EFHD1: variants seen among roughly 807,000 people sequenced by gnomAD.
EFHD1 encodes EF-hand domain-containing protein D1.
EFHD1 carries 10 observed loss-of-function variants against 17.2 expected under a neutral mutation model. The observed-to-expected ratio is 0.58, with a 90% confidence interval of 0.36 to 0.99. The LOEUF is 0.99. Ranked by LOEUF, EFHD1 falls within the 50% of genes least tolerant of loss-of-function variation. The probability of loss-of-function intolerance (pLI) is 0.01; values close to 1 mark genes in which losing one functional copy is unlikely to be tolerated. For synonymous variants in EFHD1, 153 were observed against 142.0 expected (o/e 1.08, Z -0.55); for missense variants, 310 against 327.5 (o/e 0.95, Z 0.41).
At chr2:232,659,998 G>C (rs956904106) in intron 1 of EFHD1, among the ~76,000 whole-genome samples, 3 of 152,040 alleles carry the variant, frequency 2.0e-5, no homozygotes, top group South Asian at 2.1e-4. Context: ...CAAGGGGATG[G>C]TGCAGAACCA....
intron 1 of EFHD1, 32 bp from the exon 2 acceptor site, chr2:232,662,770 C>T (rs776604355): frequency 6.4e-7 from 1 of 1,552,380 alleles, no homozygotes; most frequent in Non-Finnish European, 8.6e-7. Flanking sequence ...AGTGTCCTTT[C>T]ATCCCGGTCA....
chr2:232,655,478 C>T (rs146780352), intron 1 of EFHD1, among the ~76,000 whole-genome samples: 14 of 152,370 alleles, frequency 9.2e-5, no homozygotes, highest in African/African-American at 3.4e-4. Flanking sequence ...TCTGTGTGCT[C>T]TGTTTCCCTC....
chr2:232,627,797 A>C (rs1487322348), intron 1 of EFHD1, among the ~76,000 whole-genome samples: 2 of 152,016 alleles, frequency 1.3e-5, no homozygotes, highest in Non-Finnish European at 1.5e-5. Flanking sequence ...GTAATGGCTT[A>C]TTATTATATT....
chr2:232,631,309 T>C (rs1460398433), upstream of EFHD1, among the ~76,000 whole-genome samples: 2 of 151,736 alleles, frequency 1.3e-5, no homozygotes. Flanking sequence ...TCTCTGTCTC[T>C]CTCTCTCTCT....
intron 1 of EFHD1, among the ~76,000 whole-genome samples, chr2:232,607,911 C>T (rs983284094): frequency 2.7e-5 from 4 of 148,596 alleles, no homozygotes. Flanking sequence ...CTGGGCAACA[C>T]AGCAAGACCC....
intron 1 of EFHD1, among the ~76,000 whole-genome samples, chr2:232,647,510 T>C (rs568515910): frequency 1.7e-4 from 26 of 152,352 alleles, no homozygotes; most frequent in Admixed American, 1.6e-3. Context: ...TGGAGTCTAG[T>C]GTGGAAACCC....
At chr2:232,677,677 T>C (rs1185666269) in intron 3 of EFHD1, among the ~76,000 whole-genome samples, 2 of 152,118 alleles carry the variant, frequency 1.3e-5, no homozygotes. Flanking sequence ...GAGCCATGAC[T>C]GCACCACTGC....
intron 1 of EFHD1, among the ~76,000 whole-genome samples, chr2:232,613,983 CACAT>C (rs776392950): frequency 4.6e-5 from 7 of 151,916 alleles, no homozygotes; most frequent in Admixed American, 3.3e-4. Context: ...AATACACACA[CACAT>C]ACATACACAT....
At chr2:232,610,461 G>C (rs527884232) in intron 1 of EFHD1, among the ~76,000 whole-genome samples, 4 of 152,334 alleles carry the variant, frequency 2.6e-5, no homozygotes, top group African/African-American at 9.6e-5. Flanking sequence ...TGTAATCTCA[G>C]CTACTCAGGA....
chr2:232,639,952 C>G (rs1056882275), intron 1 of EFHD1, among the ~76,000 whole-genome samples: 1 of 152,192 alleles, frequency 6.6e-6, no homozygotes. Flanking sequence ...GCGGACTCAC[C>G]TGTCGTGACT....
At chr2:232,658,624 C>T (rs992866959) in intron 1 of EFHD1, among the ~76,000 whole-genome samples, 4 of 152,140 alleles carry the variant, frequency 2.6e-5, no homozygotes, top group African/African-American at 4.8e-5. Context: ...ATGTCCATCA[C>T]CTGATGAGTG....
intron 3 of EFHD1, among the ~76,000 whole-genome samples, chr2:232,677,264 A>AC (rs1559358074): frequency 1.3e-4 from 7 of 53,004 alleles, no homozygotes; most frequent in East Asian, 1.6e-3. Flanking sequence ...ATCTTTCTAT[A>AC]ACACACACAT....
intron 2 of EFHD1, 144 bp downstream of exon 2, chr2:232,663,093 C>A: frequency 1.0e-6 from 1 of 978,508 alleles, no homozygotes; most frequent in Non-Finnish European, 1.4e-6. Context: ...TCAAAAATAC[C>A]TTTTAGGTGA....
intron 2 of EFHD1, among the ~76,000 whole-genome samples, chr2:232,670,694 A>G (rs1405486828): frequency 6.6e-6 from 1 of 152,122 alleles, no homozygotes; most frequent in African/African-American, 2.4e-5. Context: ...AGTTGTAGAC[A>G]AAACATAGGT....
chr2:232,652,045 C>A (rs1222866386), intron 1 of EFHD1, among the ~76,000 whole-genome samples: 2 of 152,142 alleles, frequency 1.3e-5, no homozygotes, highest in African/African-American at 2.4e-5. Flanking sequence ...CCTTGGTGGG[C>A]CTGTTTCTCC....
Position 232,654,020 on chromosome 2 carries a change from AAC to A in EFHD1, c.303-8780_303-8779del, listed in dbSNP as rs555751458. 1.8e-4 allele frequency among the ~76,000 whole-genome samples: 27 copies of A among 152,146 alleles called. No individual in the cohort carries two copies. The South Asian group carries it at 5.0e-3, about 28-fold the overall frequency. On this transcript the variant is annotated intron_variant, in intron 1 of 3. Transcript: ENST00000264059. ...TCAGGAGTTCGAGACCAGCCTGACC[AAC>A]ATGGAGAAACCCTGTCTCTACTAAA...
chr2:232,662,826 C>A lies in EFHD1; in HGVS notation c.327C>A (p.Phe109Leu). Residue 109 changes from phenylalanine to leucine, a missense_variant, in exon 2 of 4, where the codon TTC becomes TTA. By Grantham distance (22) the Phe-to-Leu change is conservative (BLOSUM62 0). Transcript: ENST00000264059. ...GGTATGACGCTGGGCGGGATGGCTT[C>A]ATCGACCTGATGGAGCTGAAGCTGA... ...FKLYDAGRDG[F>L]IDLMELKLMM... 1 of 1,584,760 alleles carries A rather than the reference C, an allele frequency of 6.3e-7. No homozygotes were observed. The highest frequency in any genetic ancestry group is 8.6e-7 in the Non-Finnish European group (1 of 1,167,650).
chr2:232,620,340 A>G (rs1250883245), intron 1 of EFHD1, among the ~76,000 whole-genome samples: 6 of 150,700 alleles, frequency 4.0e-5, no homozygotes, highest in Non-Finnish European at 8.9e-5. Context: ...GTGAGCAGAG[A>G]TAGCGCCACT....
At chr2:232,624,665 G>C (rs75407123) in intron 1 of EFHD1, among the ~76,000 whole-genome samples, 1,907 of 152,344 alleles carry the variant, frequency 0.013, 47 homozygotes, top group African/African-American at 0.044. Context: ...TCACTTTAAG[G>C]GTTTCCCAAA....
Sources: gnomAD v4.1 joint callset for allele counts (sites outside exome capture counted in the v4.1 genomes callset) on GRCh38, gnomAD v4.1.1 for gene constraint, MANE v1.5 for transcripts, NCBI Gene and HGNC (gene_info 2026-07-23, HGNC 2026-07-21) for gene names.